DMXL1: variants seen among roughly 807,000 people sequenced by gnomAD.
DMXL1 encodes the protein Dmx like 1.
Under a neutral mutation model 319.2 loss-of-function variants are expected in DMXL1, and 99 were observed. The ratio of observed to expected loss-of-function variants is 0.31; its 90% CI spans 0.26 to 0.37. The LOEUF (loss-of-function observed/expected upper bound fraction) is 0.37. DMXL1 is among the 10% of genes least tolerant of loss of function. DMXL1 has a pLI of 1.00. For missense variants in DMXL1, 3,745 were observed against 3,595.6 expected (o/e 1.04, Z -1.06); for synonymous variants, 1,385 against 1,235.2 (o/e 1.12, Z -2.54).
chr5:119,196,269 C>T, intron 30 of DMXL1, 102 bp from the exon 31 acceptor site: 1 of 854,412 alleles, frequency 1.2e-6, no homozygotes, highest in East Asian at 2.4e-5. Flanking sequence ...GGGGTATGTT[C>T]AGGTTGATTC....
At position 119,152,121 on chromosome 5, in the gene DMXL1, A is replaced by G. The variant is rs191125316; in HGVS notation, c.4702+85A>G. 2.5e-5 allele frequency: 21 copies of G among 828,942 alleles called. No individual in the cohort carries two copies. In the East Asian group the frequency reaches 4.4e-4, roughly 17 times the overall value. The allele number at this position is 828,942 out of a possible 1,614,324, so 51.3% of individuals were successfully genotyped here. On this transcript the variant is annotated intron_variant, in intron 19 of 43. Coordinates refer to ENST00000539542, the MANE Select transcript of DMXL1 (RefSeq NM_001290321.3). ...GAGTTTTTAAACTTGTTTTTACCCAAAAATGATAATGATGACATATTTAAC... is the reference window on the plus strand; with the variant it reads ...GAGTTTTTAAACTTGTTTTTACCCAGAAATGATAATGATGACATATTTAAC...
In DMXL1 at chr5:119,147,381, G is replaced by T; in HGVS notation, c.2822G>T (p.Ser941Ile). Reference sequence around the variant, plus strand: ...TGCAGAGCAAATCTCCAGAGTACCAGCAGGTTGACTCTGTTTTCAGAAATG... The same window carrying T: ...TGCAGAGCAAATCTCCAGAGTACCATCAGGTTGACTCTGTTTTCAGAAATG... ...QACRANLQST[S>I]RLTLFSEMVY... The change falls in exon 17 of 44, where the codon AGC becomes ATC. Residue 941 changes from serine (S) to isoleucine (I), a missense_variant. Physicochemically the swap from Ser to Ile is moderately radical, Grantham distance 142. This residue lies in a region of DMXL1 where 2,096 missense variants were observed against 1,985.4 expected (regional missense o/e 1.06). Coordinates refer to ENST00000539542, the MANE Select transcript of DMXL1 (RefSeq NM_001290321.3). The T allele has an allele frequency of 6.2e-7, 1 of 1,613,466 alleles. No individual in the cohort carries two copies. Among genetic ancestry groups the T allele is most frequent in the Non-Finnish European group, 8.5e-7 (1 of 1,179,618 alleles).
At chr5:119,191,857 G>T (rs1778753171) in intron 29 of DMXL1, among the ~76,000 whole-genome samples, 1 of 152,174 alleles carries the variant, frequency 6.6e-6, no homozygotes. Flanking sequence ...TCCTGACCAA[G>T]TTCTTACTGT....
At chr5:119,154,941 T>C (rs1464302328) in intron 19 of DMXL1, among the ~76,000 whole-genome samples, 1 of 152,206 alleles carries the variant, frequency 6.6e-6, no homozygotes, top group Non-Finnish European at 1.5e-5. Context: ...TTAAGAATTA[T>C]GTGAAACCTA....
At chr5:119,236,883 C>G (rs1338614403) in intron 39 of DMXL1, 1 of 151,990 alleles carries the variant, frequency 6.6e-6, no homozygotes, top group African/African-American at 2.4e-5. Context: ...AATTATTTTA[C>G]TTTGATAATC....
intron 1 of DMXL1, among the ~76,000 whole-genome samples, chr5:119,089,293 T>TATATATATATATATATATA (rs70982466): frequency 2.0e-4 from 5 of 25,342 alleles, no homozygotes; most frequent in East Asian, 5.3e-3. Context: ...TATATATATA[T>TATATATATATATATATATA]TTTTTTTTTT....
At chr5:119,124,872 T>G (rs949075293) in intron 9 of DMXL1, among the ~76,000 whole-genome samples, 2 of 152,086 alleles carry the variant, frequency 1.3e-5, no homozygotes, top group Non-Finnish European at 2.9e-5. Context: ...CAACCAACAT[T>G]TTTCTTTTAT....
intron 28 of DMXL1, among the ~76,000 whole-genome samples, chr5:119,181,992 G>A (rs993111941): frequency 3.9e-5 from 6 of 152,198 alleles, no homozygotes; most frequent in Admixed American, 6.5e-5. Context: ...ATAAAGTAAC[G>A]TTCAGAAATC....
At chr5:119,141,460 A>G (rs1364080614) in intron 13 of DMXL1, among the ~76,000 whole-genome samples, 1 of 152,170 alleles carries the variant, frequency 6.6e-6, no homozygotes, top group South Asian at 2.1e-4. Context: ...CACCAACAAC[A>G]GCTAATCTGA....
intron 1 of DMXL1, among the ~76,000 whole-genome samples, chr5:119,074,004 C>T (rs745606394): frequency 3.9e-5 from 6 of 152,090 alleles, no homozygotes; most frequent in Non-Finnish European, 5.9e-5. Context: ...CTGCAACTTC[C>T]GCCTCCTGTG....
Position 119,110,157 on chromosome 5 carries a change from G to A in DMXL1, c.371G>A (p.Arg124His), listed in dbSNP as rs547590187. The change falls in exon 5 of 44, where the codon CGT (arginine) becomes CAT (histidine). Residue 124 changes from arginine (R) to histidine (H), a missense_variant. Arg to His is a conservative substitution (Grantham distance 29). Coordinates refer to ENST00000539542, the MANE Select transcript of DMXL1 (RefSeq NM_001290321.3). Reference sequence around the variant, plus strand: ...GGAATAATATTTTTTTTAGGCAGTCGTCTTTTAACTGGTTCCAGCTATTTG... The same window carrying A: ...GGAATAATATTTTTTTTAGGCAGTCATCTTTTAACTGGTTCCAGCTATTTG... ...HNITWDPTGS[R>H]LLTGSSYLQL... The A allele has an allele frequency of 1.4e-5, 22 of 1,589,992 alleles. No homozygotes were observed. The highest frequency in any genetic ancestry group is 5.8e-5 in the South Asian group (5 of 86,546).
chr5:119,195,816 A>G (rs1342155562), intron 30 of DMXL1, among the ~76,000 whole-genome samples: 1 of 152,206 alleles, frequency 6.6e-6, no homozygotes, highest in East Asian at 1.9e-4. Flanking sequence ...AGAGAACCTG[A>G]CTTTTTTAAA....
At chr5:119,206,604 T>A (rs569064982) in intron 33 of DMXL1, 37 of 314,910 alleles carry the variant, frequency 1.2e-4, no homozygotes, top group Admixed American at 1.1e-3. Context: ...AGAATAAAAT[T>A]TATAGTGGTA....
At chr5:119,147,054 C>T in intron 16 of DMXL1, 98 bp downstream of exon 16, 1 of 1,375,214 alleles carries the variant, frequency 7.3e-7, no homozygotes. Flanking sequence ...TAAAGCCATT[C>T]TCATTAAATG....
intron 38 of DMXL1, among the ~76,000 whole-genome samples, chr5:119,230,830 C>T (rs1452578556): frequency 2.0e-5 from 3 of 151,710 alleles, no homozygotes; most frequent in South Asian, 2.1e-4. Context: ...TACAGTGAGC[C>T]GAGATCACAC....
In DMXL1 at chr5:119,189,982, C is replaced by T. The variant is rs937722334; in HGVS notation, c.7314+96C>T. On this transcript the variant is annotated intron_variant, in intron 29 of 43. Transcript: ENST00000539542. ...ATTTTTGGTGCTTCCAAATGTTTTCCCACTTTGGTTTAGAAAATTTTCATT... is the reference window on the plus strand; with the variant it reads ...ATTTTTGGTGCTTCCAAATGTTTTCTCACTTTGGTTTAGAAAATTTTCATT... 8 of 1,271,996 alleles carry T rather than the reference C, an allele frequency of 6.3e-6. No individual in the cohort carries two copies. In the African/African-American group the frequency reaches 9.0e-5, roughly 14 times the overall value. 78.8% of individuals were successfully genotyped at this position (1,271,996 alleles called of 1,614,324 possible). A position where few individuals can be genotyped will look rare whatever the true frequency, so the allele number is the denominator to read the frequency against.
At chr5:119,079,619 C>G (rs1476886873) in intron 1 of DMXL1, among the ~76,000 whole-genome samples, 2 of 152,128 alleles carry the variant, frequency 1.3e-5, no homozygotes, top group African/African-American at 4.8e-5. Context: ...TCACTGGTAA[C>G]CACATTGATG....
At position 119,071,391 on chromosome 5, in the gene DMXL1, C is replaced by T. The variant is rs957930259; in HGVS notation, c.-179C>T. 8.4e-6 allele frequency: 5 copies of T among 598,744 alleles called. No individual in the cohort carries two copies. Among genetic ancestry groups the T allele is most frequent in the African/African-American group, 4.0e-5 (2 of 50,048 alleles). 37.1% of individuals were successfully genotyped at this position (598,744 alleles called of 1,614,324 possible). ...CCCGCCCCCTCCGGGCCTCGCCCTC[C>T]GGGGCTCGGGATGAGTCGCGGGCCC... is the stretch of plus-strand genomic sequence containing the variant. On this transcript the variant is annotated 5_prime_UTR_variant, in exon 1 of 44. Transcript: ENST00000539542.
At position 119,149,273 on chromosome 5, in the gene DMXL1, A is replaced by T; in HGVS notation, c.3446A>T (p.Asp1149Val). Reference protein sequence around the residue: ...LVHLDWMSREDGSHILTVGIG... With the variant: ...LVHLDWMSREVGSHILTVGIG... ...CACTTAGATTGGATGTCTAGAGAAG[A>T]CGGTTCTCATATCCTGACTGTAGGA... The change falls in exon 18 of 44, where the codon GAC (aspartate) becomes GTC (valine). Residue 1149 changes from aspartate to valine, a missense_variant. Physicochemically the swap from Asp to Val is radical, Grantham distance 152 (BLOSUM62 -3). Transcript: ENST00000539542. 1 of 1,613,956 alleles carries T rather than the reference A, an allele frequency of 6.2e-7. No homozygotes were observed.
Sources: allele counts gnomAD v4.1 joint callset (sites outside exome capture counted in the v4.1 genomes callset), GRCh38; gene constraint gnomAD v4.1.1; regional missense constraint gnomAD v4.1.1; transcripts MANE v1.5; gene names NCBI Gene and HGNC (gene_info 2026-07-23, HGNC 2026-07-21).